Variants in MSH3 observed in about 807,000 individuals in gnomAD.
The protein encoded by MSH3 is DNA mismatch repair protein Msh3.
Under a neutral mutation model 123.3 loss-of-function variants are expected in MSH3, and 106 were observed. That is an observed-to-expected ratio of 0.86 (90% CI 0.73 to 1.01). The LOEUF (loss-of-function observed/expected upper bound fraction) is 1.01. Among genes scored for constraint, MSH3 ranks in the 50% least tolerant of loss-of-function variants. The pLI is 0.00. For synonymous variants in MSH3, 515 were observed against 481.4 expected (o/e 1.07, Z -0.91); for missense variants, 1,459 against 1,347.6 (o/e 1.08, Z -1.29).
intron 21 of MSH3, among the ~76,000 whole-genome samples, chr5:80,863,625 C>T (rs372409052): frequency 3.3e-5 from 5 of 150,066 alleles, no homozygotes; most frequent in South Asian, 4.2e-4. Flanking sequence ...GAGCCAAGAT[C>T]GTGCCACTGG....
intron 12 of MSH3, among the ~76,000 whole-genome samples, chr5:80,756,976 G>A (rs146162874): frequency 2.6e-5 from 4 of 152,178 alleles, no homozygotes; most frequent in East Asian, 1.9e-4. Flanking sequence ...TAATCTACTC[G>A]TTCTGTGCTG....
chr5:80,842,171 C>G (rs1745638518), intron 20 of MSH3, among the ~76,000 whole-genome samples: 1 of 152,140 alleles, frequency 6.6e-6, no homozygotes, highest in Non-Finnish European at 1.5e-5. Context: ...GAATCCTTTC[C>G]CCATTGCTTG....
intron 7 of MSH3, among the ~76,000 whole-genome samples, chr5:80,678,545 A>C (rs1234782224): frequency 6.6e-6 from 1 of 152,198 alleles, no homozygotes; most frequent in Admixed American, 6.5e-5. Flanking sequence ...GTTTACAAAT[A>C]ATTCCTGTTT....
At chr5:80,783,851 G>T (rs919345055) in intron 17 of MSH3, among the ~76,000 whole-genome samples, 4 of 152,078 alleles carry the variant, frequency 2.6e-5, no homozygotes, top group African/African-American at 9.7e-5. Context: ...GGACCGGATG[G>T]GTCAGTAATT....
intron 8 of MSH3, among the ~76,000 whole-genome samples, chr5:80,692,263 CAT>C (rs1186871431): frequency 2.2e-5 from 1 of 46,274 alleles, no homozygotes; most frequent in African/African-American, 1.2e-4. Context: ...GATAGATAAA[CAT>C]GTATATGTTA....
At chr5:80,754,431 C>T (rs189564278) in intron 12 of MSH3, among the ~76,000 whole-genome samples, 4 of 152,148 alleles carry the variant, frequency 2.6e-5, no homozygotes, top group Admixed American at 2.0e-4. Flanking sequence ...GACAAGGTGG[C>T]GTTCCCAGCG....
intron 10 of MSH3, among the ~76,000 whole-genome samples, chr5:80,739,645 GT>G (rs1190939737): frequency 1.3e-5 from 2 of 152,208 alleles, no homozygotes; most frequent in Admixed American, 6.5e-5. Flanking sequence ...TATCCTTTCA[GT>G]TTTGGAGTTG....
chr5:80,675,797 A>G (rs111860673), intron 7 of MSH3, among the ~76,000 whole-genome samples: 3 of 152,214 alleles, frequency 2.0e-5, no homozygotes, highest in African/African-American at 7.2e-5. Context: ...TGGACAATGT[A>G]CAGATAGCAG....
intron 13 of MSH3, among the ~76,000 whole-genome samples, chr5:80,766,249 G>C (rs1484456484): frequency 6.6e-6 from 1 of 151,244 alleles, no homozygotes; most frequent in African/African-American, 2.4e-5. Flanking sequence ...CAGATACCTT[G>C]AGTCTTTTAA....
intron 2 of MSH3, among the ~76,000 whole-genome samples, chr5:80,657,607 C>A (rs1398453531): frequency 1.3e-5 from 2 of 151,538 alleles, no homozygotes; most frequent in Non-Finnish European, 2.9e-5. Flanking sequence ...GACAGGAAAT[C>A]CATCTTTATT....
At chr5:80,681,496 C>T (rs1044459005) in intron 8 of MSH3, among the ~76,000 whole-genome samples, 8 of 151,492 alleles carry the variant, frequency 5.3e-5, no homozygotes, top group Non-Finnish European at 1.0e-4. Flanking sequence ...TATGGATATT[C>T]ATCATAACAG....
intron 8 of MSH3, among the ~76,000 whole-genome samples, chr5:80,721,581 T>C (rs1293607857): frequency 6.6e-6 from 1 of 152,244 alleles, no homozygotes; most frequent in African/African-American, 2.4e-5. Context: ...TGGTTGCTGA[T>C]AGCATTTGTA....
intron 20 of MSH3, among the ~76,000 whole-genome samples, chr5:80,829,508 T>G (rs1745382684): frequency 6.6e-6 from 1 of 152,236 alleles, no homozygotes. Flanking sequence ...TGATTTTTCT[T>G]CTTTAGCCAG....
At chr5:80,828,294 T>G (rs936053702) in intron 20 of MSH3, among the ~76,000 whole-genome samples, 1 of 152,098 alleles carries the variant, frequency 6.6e-6, no homozygotes, top group Admixed American at 6.5e-5. Flanking sequence ...AGTAACCCAC[T>G]CCTATGATAA....
intron 19 of MSH3, among the ~76,000 whole-genome samples, chr5:80,810,819 A>G (rs1284208231): frequency 6.6e-6 from 1 of 151,996 alleles, no homozygotes; most frequent in African/African-American, 2.4e-5. Flanking sequence ...ATTTTGTTAG[A>G]TTTATTCCTA....
At chr5:80,839,665 A>C (rs556023295) in intron 20 of MSH3, among the ~76,000 whole-genome samples, 1 of 152,256 alleles carries the variant, frequency 6.6e-6, no homozygotes, top group Non-Finnish European at 1.5e-5. Context: ...CCACATGACC[A>C]TAATCCTCCT....
chr5:80,726,863 C>A (rs1743310507), intron 9 of MSH3, among the ~76,000 whole-genome samples: 1 of 152,146 alleles, frequency 6.6e-6, no homozygotes, highest in African/African-American at 2.4e-5. Flanking sequence ...ACTACCATGA[C>A]CTATCCGTGG....
intron 20 of MSH3, among the ~76,000 whole-genome samples, chr5:80,827,773 G>A (rs1745345336): frequency 6.6e-6 from 1 of 152,156 alleles, no homozygotes; most frequent in South Asian, 2.1e-4. Flanking sequence ...GTCACCTGAA[G>A]GTTTGGTTTG....
At chr5:80,861,771 A>T (rs935764101) in intron 21 of MSH3, among the ~76,000 whole-genome samples, 1 of 152,060 alleles carries the variant, frequency 6.6e-6, no homozygotes, top group Non-Finnish European at 1.5e-5. Context: ...TCCTACCCTG[A>T]TACTGGTTCC....
Sources: gnomAD v4.1 joint callset for allele counts (sites outside exome capture counted in the v4.1 genomes callset) on GRCh38, gnomAD v4.1.1 for gene constraint, MANE v1.5 for transcripts, NCBI Gene and HGNC (gene_info 2026-07-23, HGNC 2026-07-21) for gene names.